The following PRKG1 variants were observed in gnomAD, a reference collection of about 807,000 sequenced individuals.
PRKG1 encodes the protein protein kinase cGMP-dependent 1, also known as cGMP-dependent protein kinase 1.
PRKG1 carries 35 observed loss-of-function variants against 88.1 expected under a neutral mutation model. That is an observed-to-expected ratio of 0.40 (90% CI 0.30 to 0.53). The LOEUF (loss-of-function observed/expected upper bound fraction) is 0.53, where lower values mean the gene tolerates loss of function less well. Among genes scored for constraint, PRKG1 ranks in the 20% least tolerant of loss-of-function variants. The pLI is 0.59. For synonymous variants in PRKG1, 303 were observed against 292.5 expected, an observed-to-expected ratio of 1.04 and a Z score of -0.37; for missense variants, 540 against 839.8, an observed-to-expected ratio of 0.64 and a Z score of 4.41.
At chr10:52,211,753 G>A (rs1412871487) in intron 9 of PRKG1, among the ~76,000 whole-genome samples, 1 of 151,336 alleles carries the variant, frequency 6.6e-6, no homozygotes, top group Admixed American at 6.6e-5. Flanking sequence ...TAAAGTAACG[G>A]GGGTGATGAA....
At chr10:51,626,791 CA>C (rs1323001166) in intron 3 of PRKG1, among the ~76,000 whole-genome samples, 2 of 152,162 alleles carry the variant, frequency 1.3e-5, no homozygotes, top group Admixed American at 1.3e-4. Context: ...AATTGTATTG[CA>C]AGGAGGGTCT....
intron 9 of PRKG1, among the ~76,000 whole-genome samples, chr10:52,225,346 T>C (rs1039041345): frequency 5.5e-4 from 83 of 152,276 alleles, no homozygotes; most frequent in African/African-American, 1.8e-3. Context: ...TTTTATTTCT[T>C]ACTGATGTGT....
intron 1 of PRKG1, among the ~76,000 whole-genome samples, chr10:51,038,269 A>G (rs2132754572): frequency 6.6e-6 from 1 of 152,374 alleles, no homozygotes; most frequent in Middle Eastern, 3.4e-3. Flanking sequence ...TAATAATCAC[A>G]TCAGGGTAAA....
intron 2 of PRKG1, among the ~76,000 whole-genome samples, chr10:51,265,515 A>T (rs1424875904): frequency 6.6e-6 from 1 of 152,114 alleles, no homozygotes; most frequent in African/African-American, 2.4e-5. Context: ...CAGTAGTTAC[A>T]TTTATTTTAT....
At chr10:51,167,738 GT>G (rs1846588435) in intron 2 of PRKG1, among the ~76,000 whole-genome samples, 1 of 152,110 alleles carries the variant, frequency 6.6e-6, no homozygotes, top group Admixed American at 6.6e-5. Flanking sequence ...GGAATGACTT[GT>G]ATGTTTTTAT....
At chr10:51,209,657 C>T (rs1838161197) in intron 2 of PRKG1, among the ~76,000 whole-genome samples, 1 of 151,954 alleles carries the variant, frequency 6.6e-6, no homozygotes, top group South Asian at 2.1e-4. Context: ...CTGCATTTTG[C>T]CATTTTACTA....
chr10:51,591,517 A>C (rs1355581748), intron 3 of PRKG1, among the ~76,000 whole-genome samples: 1 of 152,200 alleles, frequency 6.6e-6, no homozygotes, highest in Non-Finnish European at 1.5e-5. Context: ...ACTTTGTTAG[A>C]ACTGGAGAAA....
chr10:52,139,448 G>A (rs151217429), intron 8 of PRKG1, among the ~76,000 whole-genome samples: 46 of 152,148 alleles, frequency 3.0e-4, no homozygotes, highest in African/African-American at 1.1e-3. Context: ...CATTGCTTAC[G>A]GTGAGTTTGT....
intron 3 of PRKG1, among the ~76,000 whole-genome samples, chr10:51,481,187 C>A (rs1210011937): frequency 1.4e-5 from 2 of 139,496 alleles, no homozygotes; most frequent in African/African-American, 2.5e-5. Context: ...CTCCCTCCTT[C>A]CCTCCCTCTC....
At position 51,456,257 on chromosome 10, in the gene PRKG1, C is replaced by T. The variant is rs113292241; in HGVS notation, c.479-11466C>T. Among the ~76,000 whole-genome samples the T allele has an allele frequency of 3.6e-3, 549 of 152,276 alleles. 4 individuals carry two copies. Among genetic ancestry groups the T allele is most frequent in the African/African-American group, 0.013 (524 of 41,560 alleles). ...ACCGCCCCCCATGATTTAATTATCT[C>T]CCACTAGGTCTCTCCCAAAACACGT... is the stretch of plus-strand genomic sequence containing the variant. On this transcript the variant is annotated intron_variant, in intron 2 of 17. Coordinates refer to ENST00000373980, the MANE Select transcript of PRKG1 (RefSeq NM_006258.4).
intron 5 of PRKG1, among the ~76,000 whole-genome samples, chr10:51,915,859 A>G (rs1430794016): frequency 6.6e-6 from 1 of 152,216 alleles, no homozygotes; most frequent in East Asian, 1.9e-4. Flanking sequence ...ATTTCTTAAC[A>G]TTATTAGTCA....
At chr10:51,437,376 AG>A (rs1838963891) in intron 2 of PRKG1, among the ~76,000 whole-genome samples, 1 of 152,010 alleles carries the variant, frequency 6.6e-6, no homozygotes, top group Non-Finnish European at 1.5e-5. Flanking sequence ...AACATCTTTA[AG>A]TTGACCAATG....
At chr10:51,758,324 T>A (rs1837925474) in intron 3 of PRKG1, among the ~76,000 whole-genome samples, 2 of 152,240 alleles carry the variant, frequency 1.3e-5, no homozygotes, top group South Asian at 4.1e-4. Flanking sequence ...TTGCAGAAAA[T>A]AAGAATAGAC....
rs573929276 is a variant in PRKG1 at position 52,206,835 on chromosome 10, G to A, written c.1077-44735G>A. On this transcript the variant is annotated intron_variant, in intron 9 of 17. Coordinates refer to ENST00000373980, the MANE Select transcript of PRKG1 (RefSeq NM_006258.4). ...ATTTTGCTGGCCACAACACTGATGG[G>A]GGTTGCCAACCAAAGTGCTTCATCA... Among the ~76,000 whole-genome samples the A allele has an allele frequency of 2.0e-5, 3 of 152,286 alleles. No homozygotes were observed. In the South Asian group the frequency reaches 6.2e-4, roughly 32 times the overall value.
At chr10:52,291,847 T>A (rs536375343) in intron 17 of PRKG1, among the ~76,000 whole-genome samples, 74 of 151,770 alleles carry the variant, frequency 4.9e-4, no homozygotes, top group African/African-American at 1.8e-3. Flanking sequence ...CACAATGGTT[T>A]AACTAGTTTA....
intron 2 of PRKG1, among the ~76,000 whole-genome samples, chr10:51,226,782 A>G (rs1254851118): frequency 6.6e-6 from 1 of 152,192 alleles, no homozygotes; most frequent in East Asian, 1.9e-4. Flanking sequence ...TAACTCTGAA[A>G]TGAGAGCAAG....
At chr10:51,896,752 G>T (rs149306891) in intron 4 of PRKG1, among the ~76,000 whole-genome samples, 1 of 150,348 alleles carries the variant, frequency 6.7e-6, no homozygotes, top group Non-Finnish European at 1.5e-5. Context: ...AACTTAACCC[G>T]ATTTCTTTTG....
chr10:51,703,904 G>A (rs1040739526), intron 3 of PRKG1, among the ~76,000 whole-genome samples: 3 of 152,164 alleles, frequency 2.0e-5, no homozygotes, highest in East Asian at 1.9e-4. Context: ...TTTGGAAGGC[G>A]GAGGTGGGTG....
intron 1 of PRKG1, among the ~76,000 whole-genome samples, chr10:51,017,012 T>A (rs1219946723): frequency 6.6e-6 from 1 of 151,728 alleles, no homozygotes; most frequent in African/African-American, 2.4e-5. Context: ...CTCAAATTAA[T>A]CCAGTGACTT....
Sources: allele counts gnomAD v4.1 joint callset (sites outside exome capture counted in the v4.1 genomes callset), GRCh38; gene constraint gnomAD v4.1.1; transcripts MANE v1.5; gene names NCBI Gene and HGNC (gene_info 2026-07-23, HGNC 2026-07-21).